Variants in EPHA3 observed in about 807,000 individuals in gnomAD.
EPHA3 encodes EPH receptor A3.
Under a neutral mutation model 107.1 loss-of-function variants are expected in EPHA3, and 42 were observed. The ratio of observed to expected loss-of-function variants is 0.39; its 90% CI spans 0.31 to 0.51. The LOEUF is 0.51. Among genes scored for constraint, EPHA3 ranks in the 20% least tolerant of loss-of-function variants. The probability of loss-of-function intolerance (pLI) is 0.78; values close to 1 mark genes in which losing one functional copy is unlikely to be tolerated. For missense variants in EPHA3, 1,183 were observed against 1,211.2 expected (o/e 0.98, Z 0.35); for synonymous variants, 461 against 424.8 (o/e 1.09, Z -1.05).
intron 3 of EPHA3, among the ~76,000 whole-genome samples, chr3:89,219,853 C>T (rs1704326164): frequency 6.8e-6 from 1 of 146,278 alleles, no homozygotes; most frequent in East Asian, 2.0e-4. Flanking sequence ...GGACTACAGG[C>T]GCCCGCCACT....
intron 11 of EPHA3, among the ~76,000 whole-genome samples, chr3:89,426,070 A>C (rs1260806488): frequency 2.0e-5 from 3 of 151,756 alleles, no homozygotes; most frequent in Non-Finnish European, 4.4e-5. Flanking sequence ...AGCAAGTCAT[A>C]GAACAGTACT....
chr3:89,407,948 C>T lies in EPHA3; in HGVS notation c.1698-119C>T, dbSNP rs184009612. On this transcript the variant is annotated intron_variant, in intron 8 of 16. Coordinates refer to ENST00000336596, the MANE Select transcript of EPHA3 (RefSeq NM_005233.6). The stretch of plus-strand genomic sequence containing the variant: ...AAAATATGAAGTTATTAAACTTTCA[C>T]TAAAGCATTTAATTGTTTGAGGAAA... 39 of 995,258 alleles carry T rather than the reference C, an allele frequency of 3.9e-5. No homozygotes were observed. In the Admixed American group the frequency reaches 9.4e-4, roughly 24 times the overall value. The allele number at this position is 995,258 out of a possible 1,614,324, so 61.7% of individuals were successfully genotyped here. A position where few individuals can be genotyped will look rare whatever the true frequency, so the allele number is the denominator to read the frequency against.
At chr3:89,116,752 G>C (rs936685398) in intron 1 of EPHA3, among the ~76,000 whole-genome samples, 2 of 147,254 alleles carry the variant, frequency 1.4e-5, no homozygotes, top group Non-Finnish European at 3.0e-5. Context: ...CTAATGTGGT[G>C]GTTAACCAAA....
intron 16 of EPHA3, among the ~76,000 whole-genome samples, chr3:89,476,176 CATATATAAACATGTATAT>C (rs1377620059): frequency 4.2e-5 from 6 of 144,524 alleles, no homozygotes; most frequent in African/African-American, 1.3e-4. Context: ...TTGTAGATAA[CATATATAAACATGTATAT>C]ATATATAAAC....
chr3:89,209,427 T>A (rs1444966277), intron 2 of EPHA3, among the ~76,000 whole-genome samples: 1 of 152,170 alleles, frequency 6.6e-6, no homozygotes. Flanking sequence ...TTACCTTATA[T>A]CAATTTTACC....
intron 13 of EPHA3, among the ~76,000 whole-genome samples, chr3:89,437,445 T>C (rs114959318): frequency 1.2e-3 from 180 of 152,134 alleles, no homozygotes; most frequent in African/African-American, 4.1e-3. Context: ...ACAGAAAAAT[T>C]AATTCCTTTC....
Position 89,355,594 on chromosome 3 carries a change from G to A in EPHA3, c.1306+13504G>A, listed in dbSNP as rs1707929461. Among the ~76,000 whole-genome samples, 3 of 150,722 alleles carry A rather than the reference G, an allele frequency of 2.0e-5. No individual in the cohort carries two copies. The Admixed American group carries it at 2.0e-4, about 10-fold the overall frequency. ...CAATTTTGTTTAGAAATGAATTTAA[G>A]GGAGTTATTGGACTAAACTTACTGG... is the stretch of plus-strand genomic sequence containing the variant. On this transcript the variant is annotated intron_variant, in intron 5 of 16. Coordinates refer to ENST00000336596, the MANE Select transcript of EPHA3 (RefSeq NM_005233.6).
At chr3:89,369,106 C>A (rs1482734865) in intron 5 of EPHA3, among the ~76,000 whole-genome samples, 3 of 150,196 alleles carry the variant, frequency 2.0e-5, no homozygotes, top group African/African-American at 7.3e-5. Flanking sequence ...ATTAGCAACT[C>A]AATGACAAGA....
At chr3:89,470,911 C>T (rs1472127800) in intron 15 of EPHA3, among the ~76,000 whole-genome samples, 1 of 152,088 alleles carries the variant, frequency 6.6e-6, no homozygotes, top group African/African-American at 2.4e-5. Flanking sequence ...GGATTAAGGT[C>T]CTTCATGTCT....
chr3:89,341,988 C>T lies in EPHA3; in HGVS notation c.1204C>T (p.His402Tyr), dbSNP rs755432416. The T allele has an allele frequency of 6.2e-7, 1 of 1,613,300 alleles. No homozygotes were observed. The highest frequency in any genetic ancestry group is 8.5e-7 in the Non-Finnish European group (1 of 1,179,900). ...TTVTVTDLLA[H>Y]TNYTFEIDAV... ...GGTGACAGTGACAGACCTTCTGGCA[C>T]ATACTAACTACACCTTTGAGATTGA... Residue 402 changes from histidine (H) to tyrosine (Y), a missense_variant, in exon 5 of 17, where the codon CAT becomes TAT. Coordinates refer to ENST00000336596, the MANE Select transcript of EPHA3 (RefSeq NM_005233.6).
At chr3:89,357,106 C>CAAAAAAAAAAAAAAAAAAAAAAAAA (rs56717904) in intron 5 of EPHA3, among the ~76,000 whole-genome samples, 3 of 15,998 alleles carry the variant, frequency 1.9e-4, no homozygotes, top group African/African-American at 4.2e-4. Context: ...GACCCTGTCT[C>CAAAAAAAAAAAAAAAAAAAAAAAAA]AAAAAAAAAA....
chr3:89,114,317 C>CAAGT (rs1707198446), intron 1 of EPHA3, among the ~76,000 whole-genome samples: 1 of 152,138 alleles, frequency 6.6e-6, no homozygotes, highest in Non-Finnish European at 1.5e-5. Flanking sequence ...GGGAGATGAG[C>CAAGT]AAGTGTTCCT....
At chr3:89,112,416 T>G (rs1707131384) in intron 1 of EPHA3, among the ~76,000 whole-genome samples, 1 of 152,058 alleles carries the variant, frequency 6.6e-6, no homozygotes, top group Non-Finnish European at 1.5e-5. Context: ...ATGTATTGCC[T>G]ACATTTAACA....
chr3:89,144,422 G>A (rs763644248), intron 2 of EPHA3, among the ~76,000 whole-genome samples: 8 of 151,614 alleles, frequency 5.3e-5, no homozygotes, highest in Non-Finnish European at 8.9e-5. Flanking sequence ...TTTGAATTCT[G>A]AGTTTACAAA....
chr3:89,476,374 A>T (rs1710507441), intron 16 of EPHA3, among the ~76,000 whole-genome samples: 1 of 148,456 alleles, frequency 6.7e-6, no homozygotes, highest in Non-Finnish European at 1.5e-5. Context: ...ACTCAGCATC[A>T]CATTTTTTTT....
rs973843150 is a variant in EPHA3 at position 89,468,180 on chromosome 3, G to C, written c.2691-4284G>C. 3.3e-5 allele frequency among the ~76,000 whole-genome samples: 5 copies of C among 152,148 alleles called. 1 individual carries two copies. The highest frequency in any genetic ancestry group is 1.3e-4 in the Admixed American group (2 of 15,276). On this transcript the variant is annotated intron_variant, in intron 15 of 16. Coordinates refer to ENST00000336596, the MANE Select transcript of EPHA3 (RefSeq NM_005233.6). ...AACCAATTTTTATTTGAAATCCCCA[G>C]AGAAATCCTGGAAGTGGAAAAATGA...
rs1214469704 is a variant in EPHA3, at chr3:89,395,844, A to G, written c.1314A>G (p.Ser438=). The part of the protein sequence containing the change: ...VSITTNQAAP[S]PVLTIKKDRT... ...CCCATCCTCTCTTTACAGCTCCATC[A>G]CCTGTCCTGACGATTAAGAAAGATC... is the stretch of plus-strand genomic sequence containing the variant. Residue 438 remains serine, a synonymous_variant, in exon 6 of 17, where the codon TCA becomes TCG. Transcript: ENST00000336596. 1 of 1,613,610 alleles carries G rather than the reference A, an allele frequency of 6.2e-7. No homozygotes were observed. The highest frequency in any genetic ancestry group is 8.5e-7 in the Non-Finnish European group (1 of 1,179,830).
chr3:89,290,126 G>GT lies in EPHA3; in HGVS notation c.815-50788dup, dbSNP rs566618268. Among the ~76,000 whole-genome samples the GT allele has an allele frequency of 3.1e-4, 47 of 152,202 alleles. No individual in the cohort carries two copies. In the East Asian group the frequency reaches 9.1e-3, roughly 29 times the overall value. ...CGGTTCTTCTGTTGTGGTTCTAAGAGTTCCTTTCTGGAGGTTTTATCACCT... is the reference window on the plus strand; with the variant it reads ...CGGTTCTTCTGTTGTGGTTCTAAGAGTTTCCTTTCTGGAGGTTTTATCACCT... On this transcript the variant is annotated intron_variant, in intron 3 of 16. Coordinates refer to ENST00000336596, the MANE Select transcript of EPHA3 (RefSeq NM_005233.6).
chr3:89,430,434 T>A (rs1460045870), intron 12 of EPHA3, among the ~76,000 whole-genome samples: 1 of 152,132 alleles, frequency 6.6e-6, no homozygotes, highest in African/African-American at 2.4e-5. Context: ...AAATAAACAT[T>A]TCCAAAATCA....
Sources: gnomAD v4.1 joint callset for allele counts (sites outside exome capture counted in the v4.1 genomes callset) on GRCh38, gnomAD v4.1.1 for gene constraint, MANE v1.5 for transcripts, NCBI Gene and HGNC (gene_info 2026-07-23, HGNC 2026-07-21) for gene names.